The following RNF182 variants were observed in gnomAD, a reference collection of about 807,000 sequenced individuals.
The protein encoded by RNF182 is ring finger protein 182.
RNF182 carries 15 observed loss-of-function variants against 14.4 expected under a neutral mutation model. The observed-to-expected ratio is 1.04, with a 90% confidence interval of 0.70 to 1.60. The LOEUF is 1.60. Ranked by LOEUF, RNF182 falls within the 40% of genes most tolerant of loss-of-function variation. The probability of loss-of-function intolerance (pLI) is 0.00; values close to 1 mark genes in which losing one functional copy is unlikely to be tolerated. For synonymous variants in RNF182, 128 were observed against 122.9 expected (o/e 1.04, Z -0.27); for missense variants, 268 against 294.8 (o/e 0.91, Z 0.67).
chr6:13,949,248 C>T (rs1759520189), intron 1 of RNF182: 2 of 786,472 alleles, frequency 2.5e-6, no homozygotes, highest in Admixed American at 1.7e-5. Context: ...CATATTCAGA[C>T]ACCAGTTGTT....
intron 1 of RNF182, chr6:13,949,352 G>A: frequency 2.6e-6 from 2 of 767,124 alleles, no homozygotes; most frequent in Non-Finnish European, 4.9e-6. Flanking sequence ...GCTTCCAAGT[G>A]TCCTGAAGCT....
chr6:13,931,782 C>T (rs1758978628), intron 1 of RNF182, among the ~76,000 whole-genome samples: 1 of 152,010 alleles, frequency 6.6e-6, no homozygotes, highest in Admixed American at 6.6e-5. Context: ...TTCGTTACTG[C>T]AATGGACAGC....
chr6:13,931,487 G>T (rs1171864815), intron 1 of RNF182, among the ~76,000 whole-genome samples: 2 of 152,048 alleles, frequency 1.3e-5, no homozygotes, highest in Non-Finnish European at 2.9e-5. Flanking sequence ...TTTCATTTGG[G>T]TCATTCTCCT....
Position 13,977,366 on chromosome 6 carries a change from G to C in RNF182, c.247G>C (p.Asp83His), listed in dbSNP as rs375751649. 5 of 1,614,170 alleles carry C rather than the reference G, an allele frequency of 3.1e-6. No individual in the cohort carries two copies. Among genetic ancestry groups the C allele is most frequent in the Non-Finnish European group, 4.2e-6 (5 of 1,180,026 alleles). ...LPDDEVSSLP[D>H]DNNILVNLTC... ...AGATGATGAAGTTAGTAGCCTGCCC[G>C]ATGACAACAACATCCTTGTAAACTT... Residue 83 changes from aspartate (D) to histidine (H), a missense_variant, in exon 3 of 3, where the codon GAT becomes CAT. Coordinates refer to ENST00000488300, the MANE Select transcript of RNF182 (RefSeq NM_152737.4).
Position 13,967,130 on chromosome 6 carries a change from C to T in RNF182, c.-366-7080C>T, listed in dbSNP as rs147437859. Among the ~76,000 whole-genome samples the T allele has an allele frequency of 2.6e-4, 39 of 152,188 alleles. 1 individual carries two copies. The highest frequency in any genetic ancestry group is 1.9e-3 in the South Asian group (9 of 4,824). ...TGGGATTACAGGCTGTGTACCACATCTCTGGCAGCTGTTTATAAGAAACAT... is the reference window on the plus strand; with the variant it reads ...TGGGATTACAGGCTGTGTACCACATTTCTGGCAGCTGTTTATAAGAAACAT... On this transcript the variant is annotated intron_variant, in intron 1 of 2. Transcript: ENST00000488300.
intron 1 of RNF182, among the ~76,000 whole-genome samples, chr6:13,950,823 G>T (rs534184571): frequency 6.6e-6 from 1 of 151,882 alleles, no homozygotes; most frequent in South Asian, 2.1e-4. Context: ...TTGAGATAGA[G>T]TCTTGTTCTG....
intron 1 of RNF182, among the ~76,000 whole-genome samples, chr6:13,956,592 T>G (rs1759738173): frequency 6.6e-6 from 1 of 152,226 alleles, no homozygotes; most frequent in Admixed American, 6.5e-5. Flanking sequence ...CCCAGAGTGC[T>G]GGGATTACCT....
chr6:13,953,508 G>T (rs977655698), intron 1 of RNF182, among the ~76,000 whole-genome samples: 2 of 152,266 alleles, frequency 1.3e-5, no homozygotes, highest in Middle Eastern at 3.4e-3. Context: ...TCAAAGGCAT[G>T]CAGGGAACAG....
At chr6:13,955,467 T>G (rs1759703586) in intron 1 of RNF182, among the ~76,000 whole-genome samples, 1 of 152,264 alleles carries the variant, frequency 6.6e-6, no homozygotes, top group South Asian at 2.1e-4. Flanking sequence ...CAGAGTGGGT[T>G]ATGTTCCTCA....
At chr6:13,972,304 CAAAAA>C (rs1162936847) in intron 1 of RNF182, among the ~76,000 whole-genome samples, 1 of 61,090 alleles carries the variant, frequency 1.6e-5, no homozygotes, top group Non-Finnish European at 3.5e-5. Flanking sequence ...GACTCTGTCT[CAAAAA>C]AAAAAAAAAA....
intron 1 of RNF182, chr6:13,949,618 G>A (rs923218903): frequency 2.6e-5 from 10 of 377,770 alleles, no homozygotes; most frequent in South Asian, 2.1e-4. Flanking sequence ...CTGATATGAC[G>A]ATGATTCTTA....
At chr6:13,953,785 G>A (rs1018868785) in intron 1 of RNF182, among the ~76,000 whole-genome samples, 38 of 152,158 alleles carry the variant, frequency 2.5e-4, no homozygotes, top group African/African-American at 7.0e-4. Flanking sequence ...ACCATCAAGC[G>A]TGGTAATGGC....
chr6:13,937,841 G>A (rs1272723081), intron 1 of RNF182, among the ~76,000 whole-genome samples: 1 of 152,108 alleles, frequency 6.6e-6, no homozygotes, highest in Non-Finnish European at 1.5e-5. Context: ...GCCAGTCATA[G>A]TAGCAGATGA....
At chr6:13,934,012 G>A (rs764315385) in intron 1 of RNF182, among the ~76,000 whole-genome samples, 8 of 151,638 alleles carry the variant, frequency 5.3e-5, no homozygotes, top group Non-Finnish European at 1.0e-4. Context: ...GGGAAGACTC[G>A]GTCTCAAAAA....
At chr6:13,956,571 C>T (rs780224814) in intron 1 of RNF182, among the ~76,000 whole-genome samples, 11 of 152,124 alleles carry the variant, frequency 7.2e-5, no homozygotes, top group Non-Finnish European at 1.3e-4. Context: ...GTGATCCACC[C>T]GTCTTGGCCT....
chr6:13,938,955 C>T (rs9370575), intron 1 of RNF182, among the ~76,000 whole-genome samples: 46,813 of 151,982 alleles, frequency 0.31, 7,813 homozygotes, highest in East Asian at 0.57. Context: ...TGGTGGTTCA[C>T]GCCTGTAATC....
chr6:13,970,389 C>T (rs895319939), intron 1 of RNF182, among the ~76,000 whole-genome samples: 2 of 152,182 alleles, frequency 1.3e-5, no homozygotes, highest in African/African-American at 4.8e-5. Context: ...TTGCACTTAA[C>T]ATAATCACTT....
chr6:13,937,722 G>A (rs888249005), intron 1 of RNF182, among the ~76,000 whole-genome samples: 6 of 152,308 alleles, frequency 3.9e-5, no homozygotes, highest in Admixed American at 2.6e-4. Flanking sequence ...CTGTGATACT[G>A]CTATCAAACA....
chr6:13,977,593 C>T lies in RNF182; in HGVS notation c.474C>T (p.Phe158=), dbSNP rs763771023. The T allele has an allele frequency of 5.6e-6, 9 of 1,614,040 alleles. No individual in the cohort carries two copies. Among genetic ancestry groups the T allele is most frequent in the Admixed American group, 1.7e-5 (1 of 59,978 alleles). ...TAGAATTTTATAGGCCTGCGAGTTT[C>T]GACTCTGTCACCACTGTGTCACACA... ...PVVEFYRPAS[F]DSVTTVSHNW... is the part of the protein sequence containing the mutation. Residue 158 remains phenylalanine, a synonymous_variant, in exon 3 of 3, where the codon TTC becomes TTT. Transcript: ENST00000488300.
Sources: allele counts gnomAD v4.1 joint callset (sites outside exome capture counted in the v4.1 genomes callset), GRCh38; gene constraint gnomAD v4.1.1; transcripts MANE v1.5; gene names NCBI Gene and HGNC (gene_info 2026-07-23, HGNC 2026-07-21).